ANO3: variants seen among roughly 807,000 people sequenced by gnomAD.
The protein encoded by ANO3 is anoctamin-3.
ANO3 carries 99 observed loss-of-function variants against 144.8 expected under a neutral mutation model. That is an observed-to-expected ratio of 0.68 (90% confidence interval 0.58 to 0.81). The LOEUF is 0.81. Ranked by LOEUF, ANO3 falls within the 30% of genes least tolerant of loss-of-function variation. ANO3 has a pLI of 0.00. For synonymous variants in ANO3, 414 were observed against 392.6 expected, an observed-to-expected ratio of 1.05 and a Z score of -0.64; for missense variants, 905 against 1,202.2, an observed-to-expected ratio of 0.75 and a Z score of 3.66.
chr11:26,538,041 C>T (rs1849554463), intron 10 of ANO3, among the ~76,000 whole-genome samples: 2 of 152,138 alleles, frequency 1.3e-5, no homozygotes, highest in South Asian at 2.1e-4. Context: ...CACTTCTGAA[C>T]TTTCAAAGAC....
chr11:26,360,087 ATCT>A (rs1855884414), intron 1 of ANO3, among the ~76,000 whole-genome samples: 1 of 151,806 alleles, frequency 6.6e-6, no homozygotes, highest in Admixed American at 6.6e-5. Context: ...TGAATACAAA[ATCT>A]TCTAGTGTTT....
intron 3 of ANO3, among the ~76,000 whole-genome samples, chr11:26,449,592 C>T (rs1590368694): frequency 1.3e-5 from 2 of 152,008 alleles, no homozygotes. Flanking sequence ...TCATTTATCA[C>T]TGTGAGTTTT....
chr11:26,524,228 GC>G (rs1590457293), intron 6 of ANO3, among the ~76,000 whole-genome samples: 1 of 152,108 alleles, frequency 6.6e-6, no homozygotes, highest in Admixed American at 6.6e-5. Context: ...ACGCACACAA[GC>G]TTTTGTGTAT....
At chr11:26,377,143 C>A (rs1381176) in intron 1 of ANO3, among the ~76,000 whole-genome samples, 18,462 of 152,104 alleles carry the variant, frequency 0.12, 1,775 homozygotes, top group African/African-American at 0.27. Flanking sequence ...TTGATGCAGA[C>A]CTTCTTGAAT....
chr11:26,375,905 T>C (rs1001280970), intron 1 of ANO3, among the ~76,000 whole-genome samples: 2 of 152,168 alleles, frequency 1.3e-5, no homozygotes, highest in African/African-American at 4.8e-5. Flanking sequence ...CAGAAGTTAA[T>C]TTTTGCATTG....
chr11:26,321,039 T>C (rs1042677270), intron 1 of ANO3, among the ~76,000 whole-genome samples: 16 of 152,134 alleles, frequency 1.1e-4, no homozygotes, highest in African/African-American at 3.9e-4. Flanking sequence ...CCTGGCCTGG[T>C]TTAATCAAGA....
At chr11:26,203,091 C>T (rs1418192838) in intron 1 of ANO3, among the ~76,000 whole-genome samples, 1 of 151,998 alleles carries the variant, frequency 6.6e-6, no homozygotes, top group Non-Finnish European at 1.5e-5. Flanking sequence ...GACATGCCAC[C>T]AAGGGTGTCT....
At chr11:26,299,669 AG>A (rs1854177391) in intron 1 of ANO3, among the ~76,000 whole-genome samples, 1 of 151,986 alleles carries the variant, frequency 6.6e-6, no homozygotes, top group South Asian at 2.1e-4. Context: ...CTAGAATGGC[AG>A]GGGGTGCAGG....
At chr11:26,611,063 G>A (rs552967439) in intron 17 of ANO3, among the ~76,000 whole-genome samples, 2 of 151,848 alleles carry the variant, frequency 1.3e-5, no homozygotes, top group South Asian at 2.1e-4. Flanking sequence ...TCTCATATTT[G>A]TTAATCTTTT....
intron 4 of ANO3, among the ~76,000 whole-genome samples, chr11:26,478,684 C>T (rs1860078551): frequency 6.6e-6 from 1 of 151,948 alleles, no homozygotes; most frequent in East Asian, 1.9e-4. Context: ...TTTCTTTACC[C>T]AAAACCTTTA....
chr11:26,308,405 A>T (rs898240963), upstream of ANO3, among the ~76,000 whole-genome samples: 1 of 152,248 alleles, frequency 6.6e-6, no homozygotes, highest in Non-Finnish European at 1.5e-5. Context: ...TCACTCAACC[A>T]TTATAAAATA....
chr11:26,338,959 C>T (rs917453058), intron 1 of ANO3, among the ~76,000 whole-genome samples: 8 of 152,180 alleles, frequency 5.3e-5, no homozygotes, highest in Non-Finnish European at 1.2e-4. Context: ...TCCGGACACA[C>T]CATTGTTCCC....
chr11:26,587,657 G>C (rs1475752159), intron 14 of ANO3, among the ~76,000 whole-genome samples: 1 of 152,104 alleles, frequency 6.6e-6, no homozygotes, highest in Non-Finnish European at 1.5e-5. Flanking sequence ...TGCTAAGCAC[G>C]AGAGTTAAAA....
intron 17 of ANO3, among the ~76,000 whole-genome samples, chr11:26,611,067 A>C (rs1852085931): frequency 6.6e-6 from 1 of 151,960 alleles, no homozygotes; most frequent in Non-Finnish European, 1.5e-5. Context: ...ATATTTGTTA[A>C]TCTTTTCAAT....
intron 23 of ANO3, among the ~76,000 whole-genome samples, chr11:26,646,966 A>C (rs998267043): frequency 4.6e-5 from 7 of 152,156 alleles, no homozygotes; most frequent in Non-Finnish European, 8.8e-5. Context: ...AGTACTTCAT[A>C]AAAATTTTGA....
chr11:26,514,903 T>C (rs1457049266), intron 5 of ANO3, among the ~76,000 whole-genome samples: 2 of 152,064 alleles, frequency 1.3e-5, no homozygotes, highest in Non-Finnish European at 2.9e-5. Context: ...GAAGATTCAC[T>C]AAAAGAGAAT....
intron 1 of ANO3, among the ~76,000 whole-genome samples, chr11:26,434,183 T>G (rs1286228364): frequency 6.6e-6 from 1 of 152,172 alleles, no homozygotes; most frequent in Admixed American, 6.5e-5. Flanking sequence ...ATTCATCTCT[T>G]CTAGGTTTTC....
At chr11:26,219,463 A>G (rs1221573482) in intron 1 of ANO3, among the ~76,000 whole-genome samples, 1 of 152,100 alleles carries the variant, frequency 6.6e-6, no homozygotes, top group African/African-American at 2.4e-5. Context: ...TGTTTTCATT[A>G]TGGTTAAGTA....
rs114706671 is a variant in ANO3, at chr11:26,365,152, C to A, written c.46+32831C>A. Among the ~76,000 whole-genome samples the A allele has an allele frequency of 9.0e-3, 1,373 of 152,334 alleles. 14 individuals carry two copies. The highest frequency in any genetic ancestry group is 0.03 in the African/African-American group (1,267 of 41,578). Reference sequence around the variant, plus strand: ...AAACACAGCAGGGCACTCATTAAATCTTAAAGCTCCAAAAGAATATCCTTT... The same window carrying A: ...AAACACAGCAGGGCACTCATTAAATATTAAAGCTCCAAAAGAATATCCTTT... On this transcript the variant is annotated intron_variant, in intron 1 of 26. Coordinates refer to ENST00000256737, the MANE Select transcript of ANO3 (RefSeq NM_031418.4).
Sources: allele counts gnomAD v4.1 joint callset (sites outside exome capture counted in the v4.1 genomes callset), GRCh38; gene constraint gnomAD v4.1.1; transcripts MANE v1.5; gene names NCBI Gene and HGNC (gene_info 2026-07-23, HGNC 2026-07-21).